The following GSK3B variants were observed in gnomAD, a reference collection of about 807,000 sequenced individuals.
The protein encoded by GSK3B is glycogen synthase kinase 3 beta, also known as glycogen synthase kinase-3 beta.
GSK3B carries 15 observed loss-of-function variants against 56.4 expected under a neutral mutation model. That is an observed-to-expected ratio of 0.27 (90% CI 0.18 to 0.41). GSK3B has a LOEUF of 0.41. Among genes scored for constraint, GSK3B ranks in the 10% least tolerant of loss-of-function variants. The pLI is 1.00. For synonymous variants in GSK3B, 181 were observed against 188.9 expected (o/e 0.96, Z 0.34); for missense variants, 300 against 513.4 (o/e 0.58, Z 4.02).
intron 7 of GSK3B, among the ~76,000 whole-genome samples, chr3:119,897,407 A>C (rs1210668155): frequency 6.6e-6 from 1 of 152,076 alleles, no homozygotes; most frequent in African/African-American, 2.4e-5. Context: ...TATTTTAAAA[A>C]TGTTGGCATC....
In GSK3B at chr3:120,059,916, T is replaced by A. The variant is rs1207596347; in HGVS notation, c.88+33431A>T. ...ACACTTAGAATAAATTTCACTTTCA[T>A]CAACCAAATAGAACATCTAATCATT... On this transcript the variant is annotated intron_variant, in intron 1 of 10. Coordinates refer to ENST00000264235, the MANE Select transcript of GSK3B (RefSeq NM_001146156.2). Among the ~76,000 whole-genome samples, 69 of 152,198 alleles carry A rather than the reference T, an allele frequency of 4.5e-4. 1 individual carries two copies. The highest frequency in any genetic ancestry group is 4.5e-3 in the Admixed American group (69 of 15,280).
intron 1 of GSK3B, chr3:120,029,078 C>G: frequency 1.3e-6 from 1 of 767,398 alleles, no homozygotes; most frequent in Non-Finnish European, 2.2e-6. Context: ...GCATTTGGAT[C>G]AGCTACTATT....
chr3:119,932,504 GTT>G (rs199622255), intron 3 of GSK3B, among the ~76,000 whole-genome samples: 11 of 139,462 alleles, frequency 7.9e-5, no homozygotes, highest in East Asian at 2.1e-4. Flanking sequence ...TTACCAAAGG[GTT>G]TTTTTTTTTT....
intron 2 of GSK3B, among the ~76,000 whole-genome samples, chr3:119,970,899 ATTC>A (rs1390719687): frequency 6.6e-6 from 1 of 152,180 alleles, no homozygotes; most frequent in Non-Finnish European, 1.5e-5. Flanking sequence ...GATAGGCTAT[ATTC>A]TTTTTTGTTG....
intron 1 of GSK3B, chr3:120,028,905 C>T: frequency 1.9e-6 from 1 of 525,076 alleles, no homozygotes; most frequent in Non-Finnish European, 3.6e-6. Context: ...GAAAAGCACC[C>T]AGGAAGGCTG....
intron 1 of GSK3B, among the ~76,000 whole-genome samples, chr3:120,052,742 C>T (rs899631443): frequency 6.6e-6 from 1 of 152,144 alleles, no homozygotes; most frequent in Non-Finnish European, 1.5e-5. Context: ...ATCAAGAAGA[C>T]TTCCAAAAAC....
intron 1 of GSK3B, among the ~76,000 whole-genome samples, chr3:120,062,056 C>T (rs1293569572): frequency 2.0e-5 from 3 of 152,152 alleles, no homozygotes; most frequent in Admixed American, 6.5e-5. Context: ...TATCCTTTAG[C>T]AACATACCTC....
intron 7 of GSK3B, among the ~76,000 whole-genome samples, chr3:119,891,800 G>A (rs1347551532): frequency 6.6e-6 from 1 of 152,046 alleles, no homozygotes; most frequent in Non-Finnish European, 1.5e-5. Context: ...CACACCAATG[G>A]GAAGGGAACA....
At chr3:120,036,717 C>T (rs565663118) in intron 1 of GSK3B, among the ~76,000 whole-genome samples, 9 of 137,290 alleles carry the variant, frequency 6.6e-5, no homozygotes, top group African/African-American at 2.0e-4. Context: ...TGCTTGAACC[C>T]GGGAGGCAGA....
Position 120,051,186 on chromosome 3 carries a change from G to A in GSK3B, c.88+42161C>T, listed in dbSNP as rs539599468. On this transcript the variant is annotated intron_variant, in intron 1 of 10. Coordinates refer to ENST00000264235, the MANE Select transcript of GSK3B (RefSeq NM_001146156.2). ...CAGTGGGCAAGCAAGAGAACAGGAC[G>A]TTGGGACATAAAACTGAATAGGCTG... is the stretch of plus-strand genomic sequence containing the variant. Among the ~76,000 whole-genome samples, 49 of 150,456 alleles carry A rather than the reference G, an allele frequency of 3.3e-4. 1 individual carries two copies. The East Asian group carries it at 6.1e-3, about 19-fold the overall frequency.
intron 1 of GSK3B, among the ~76,000 whole-genome samples, chr3:120,037,114 A>C (rs1576288037): frequency 6.6e-6 from 1 of 152,342 alleles, no homozygotes; most frequent in South Asian, 2.1e-4. Flanking sequence ...GAAGTATAGA[A>C]ATACTCCTTA....
chr3:119,997,454 G>A (rs932152279), intron 2 of GSK3B, among the ~76,000 whole-genome samples: 3 of 152,090 alleles, frequency 2.0e-5, no homozygotes, highest in Non-Finnish European at 2.9e-5. Context: ...AGTTTAAAAC[G>A]TACATAACTA....
At chr3:120,051,142 T>A (rs1576297055) in intron 1 of GSK3B, among the ~76,000 whole-genome samples, 1 of 139,366 alleles carries the variant, frequency 7.2e-6, no homozygotes. Context: ...TTTTTTTTTT[T>A]AATGATGGAG....
chr3:119,885,372 T>C (rs1343522298), intron 7 of GSK3B, among the ~76,000 whole-genome samples: 2 of 152,058 alleles, frequency 1.3e-5, no homozygotes, highest in Admixed American at 6.6e-5. Context: ...AAATCACAGA[T>C]GACACAAATG....
chr3:119,845,169 G>GT (rs2055838389), intron 9 of GSK3B, among the ~76,000 whole-genome samples: 1 of 151,894 alleles, frequency 6.6e-6, no homozygotes, highest in Non-Finnish European at 1.5e-5. Flanking sequence ...TCTCAAAATA[G>GT]TAAGAGCTAT....
At chr3:119,848,933 G>A (rs2055892094) in intron 9 of GSK3B, among the ~76,000 whole-genome samples, 1 of 152,250 alleles carries the variant, frequency 6.6e-6, no homozygotes, top group East Asian at 1.9e-4. Flanking sequence ...TCAGGTTCTA[G>A]GAGATACTGT....
rs553626468 is a variant in GSK3B at position 119,824,459 on chromosome 3, T to C, written c.*2329A>G. ...TTCCTAAAATAAGCACTGATTTTTATGGACTCTGGGGAGTATACCACGTCC... is the reference window on the plus strand; with the variant it reads ...TTCCTAAAATAAGCACTGATTTTTACGGACTCTGGGGAGTATACCACGTCC... On this transcript the variant is annotated 3_prime_UTR_variant, in exon 11 of 11. Transcript: ENST00000264235. The C allele has an allele frequency of 7.9e-5, 17 of 215,956 alleles. No individual in the cohort carries two copies. In the South Asian group the frequency reaches 2.2e-3, roughly 28 times the overall value. 13.4% of individuals were successfully genotyped at this position (215,956 alleles called of 1,614,324 possible). A position where few individuals can be genotyped will look rare whatever the true frequency, so the allele number is the denominator to read the frequency against.
At chr3:119,873,073 T>C (rs1232863801) in intron 8 of GSK3B, among the ~76,000 whole-genome samples, 2 of 152,156 alleles carry the variant, frequency 1.3e-5, no homozygotes, top group Non-Finnish European at 2.9e-5. Context: ...ATAATCCTTG[T>C]TTCAGAATAT....
intron 8 of GSK3B, among the ~76,000 whole-genome samples, chr3:119,874,753 T>C (rs2056291269): frequency 6.6e-6 from 1 of 152,068 alleles, no homozygotes; most frequent in South Asian, 2.1e-4. Flanking sequence ...AATAAAATCA[T>C]GCACTTTCTT....
Sources: allele counts gnomAD v4.1 joint callset (sites outside exome capture counted in the v4.1 genomes callset), GRCh38; gene constraint gnomAD v4.1.1; transcripts MANE v1.5; gene names NCBI Gene and HGNC (gene_info 2026-07-23, HGNC 2026-07-21).